Variants in XPO7 observed in about 807,000 individuals in gnomAD.
The protein encoded by XPO7 is exportin-7.
Under a neutral mutation model 144.3 loss-of-function variants are expected in XPO7, and 21 were observed. The observed-to-expected ratio is 0.15, with a 90% confidence interval of 0.10 to 0.21. The LOEUF (loss-of-function observed/expected upper bound fraction) is 0.21. Among genes scored for constraint, XPO7 ranks in the 10% least tolerant of loss-of-function variants. The pLI is 1.00. For missense variants in XPO7, 808 were observed against 1,325.8 expected, an observed-to-expected ratio of 0.61 and a Z score of 6.06; for synonymous variants, 580 against 499.6, an observed-to-expected ratio of 1.16 and a Z score of -2.15.
At chr8:21,959,644 A>AC (rs1436947545) in intron 1 of XPO7, among the ~76,000 whole-genome samples, 1 of 145,708 alleles carries the variant, frequency 6.9e-6, no homozygotes, top group Non-Finnish European at 1.5e-5. Context: ...TTCTCACTTT[A>AC]AAAAAAAAAT....
At chr8:21,972,006 G>C in intron 5 of XPO7, 65 bp downstream of exon 5, 1 of 1,490,438 alleles carries the variant, frequency 6.7e-7, no homozygotes, top group East Asian at 2.3e-5. Context: ...GGTGTTTTCT[G>C]CTGTGTGTGG....
chr8:21,960,357 C>T (rs986340902), intron 1 of XPO7, among the ~76,000 whole-genome samples: 2 of 152,164 alleles, frequency 1.3e-5, no homozygotes, highest in Admixed American at 1.3e-4. Flanking sequence ...TCCTCTGCAC[C>T]GTTAGAGACT....
chr8:21,932,949 T>C (rs1210832193), intron 1 of XPO7, among the ~76,000 whole-genome samples: 1 of 152,172 alleles, frequency 6.6e-6, no homozygotes, highest in Non-Finnish European at 1.5e-5. Context: ...CATTGACCTT[T>C]GTTAGAGAAT....
chr8:21,921,618 C>G (rs1192490097), intron 1 of XPO7: 1 of 152,140 alleles, frequency 6.6e-6, no homozygotes, highest in Non-Finnish European at 1.5e-5. Context: ...ATTTGTCGCT[C>G]CAACGAAGGT....
intron 1 of XPO7, among the ~76,000 whole-genome samples, chr8:21,959,663 C>T (rs1811657553): frequency 6.6e-6 from 1 of 152,116 alleles, no homozygotes; most frequent in Non-Finnish European, 1.5e-5. Flanking sequence ...ATGTCCTAAT[C>T]ATCGTTTTCA....
In XPO7 at chr8:21,987,245, A is replaced by C. The variant is rs1437476496; in HGVS notation, c.1682A>C (p.Tyr561Ser). Reference protein sequence around the residue: ...LSFFEQFRKIYIGDQVQKSSK... With the variant: ...LSFFEQFRKISIGDQVQKSSK... ...TTTTTTGAACAGTTTCGTAAGATCT[A>C]CATTGGGGACCAAGTGCAGAAATCC... The change falls in exon 14 of 28, where the codon TAC becomes TCC. Residue 561 changes from tyrosine (Y) to serine (S), a missense_variant. Physicochemically the swap from Tyr to Ser is moderately radical, Grantham distance 144. Coordinates refer to ENST00000252512, the MANE Select transcript of XPO7 (RefSeq NM_015024.5). 1.2e-6 allele frequency: 2 copies of C among 1,614,030 alleles called. No individual in the cohort carries two copies. The highest frequency in any genetic ancestry group is 1.7e-6 in the Non-Finnish European group (2 of 1,179,892).
chr8:21,952,729 T>C (rs923772323), intron 1 of XPO7, among the ~76,000 whole-genome samples: 6 of 152,326 alleles, frequency 3.9e-5, no homozygotes, highest in South Asian at 2.1e-4. Context: ...GTCAGTGTTA[T>C]AACGCCTGTG....
chr8:21,969,593 C>G lies in XPO7; in HGVS notation c.259+17C>G. ...TAGATATTCGTAAGTGGAGAATTTTCTGTTCTGTCTTGAAGAAAATAGTTT... is the reference window on the plus strand; with the variant it reads ...TAGATATTCGTAAGTGGAGAATTTTGTGTTCTGTCTTGAAGAAAATAGTTT... On this transcript the variant is annotated intron_variant, in intron 3 of 27. Transcript: ENST00000252512. The G allele has an allele frequency of 6.2e-7, 1 of 1,602,928 alleles. No homozygotes were observed. Among genetic ancestry groups the G allele is most frequent in the Non-Finnish European group, 8.5e-7 (1 of 1,170,900 alleles).
At chr8:21,996,150 A>C (rs930254589) in intron 21 of XPO7, among the ~76,000 whole-genome samples, 4 of 152,064 alleles carry the variant, frequency 2.6e-5, no homozygotes, top group African/African-American at 9.7e-5. Flanking sequence ...CCAGTGGGGC[A>C]TGGTGGCTCA....
At chr8:21,949,190 C>T (rs1027141853) in intron 1 of XPO7, among the ~76,000 whole-genome samples, 2 of 152,228 alleles carry the variant, frequency 1.3e-5, no homozygotes, top group African/African-American at 2.4e-5. Context: ...CAGAAATTAA[C>T]ATTATACATA....
chr8:21,984,240 C>G (rs117418513), intron 11 of XPO7, among the ~76,000 whole-genome samples: 1 of 152,168 alleles, frequency 6.6e-6, no homozygotes, highest in East Asian at 1.9e-4. Flanking sequence ...TTGAACAGTT[C>G]TGAATTCCAA....
intron 18 of XPO7, 89 bp downstream of exon 18, chr8:21,991,008 C>A: frequency 8.3e-7 from 1 of 1,211,076 alleles, no homozygotes; most frequent in Non-Finnish European, 1.2e-6. Flanking sequence ...GTTGGGGAGG[C>A]CTTTTCTGTT....
intron 9 of XPO7, among the ~76,000 whole-genome samples, chr8:21,980,467 C>G (rs1034715130): frequency 1.3e-5 from 2 of 152,160 alleles, no homozygotes; most frequent in Admixed American, 1.3e-4. Context: ...ATTTTTCCCC[C>G]CAAGAAGTTA....
At position 21,994,378 on chromosome 8, in the gene XPO7, C is replaced by G; in HGVS notation, c.2164C>G (p.Leu722Val). 1.2e-6 allele frequency: 2 copies of G among 1,612,150 alleles called. No homozygotes were observed. Among genetic ancestry groups the G allele is most frequent in the South Asian group, 1.1e-5 (1 of 90,982 alleles). ...EQEAKRTLVG[L>V]VRDLRGIAFA... ...TCTACTACAGCGAACTCTAGTTGGCCTAGTAAGAGACCTGAGAGGGATCGC... is the reference window on the plus strand; with the variant it reads ...TCTACTACAGCGAACTCTAGTTGGCGTAGTAAGAGACCTGAGAGGGATCGC... Residue 722 changes from leucine to valine, a missense_variant, in exon 20 of 28, where the codon CTA becomes GTA. Physicochemically the swap from Leu to Val is conservative, Grantham distance 32. Transcript: ENST00000252512.
intron 19 of XPO7, among the ~76,000 whole-genome samples, chr8:21,993,108 A>G (rs1055911984): frequency 1.2e-4 from 18 of 152,196 alleles, no homozygotes; most frequent in Non-Finnish European, 1.8e-4. Flanking sequence ...TGAGATAGGT[A>G]CCATTCAAAG....
At chr8:21,929,006 A>G (rs1436399489) in intron 1 of XPO7, among the ~76,000 whole-genome samples, 6 of 152,152 alleles carry the variant, frequency 3.9e-5, no homozygotes, top group African/African-American at 9.7e-5. Flanking sequence ...TGTCCCTTCA[A>G]ATCTATTGCC....
intron 1 of XPO7, among the ~76,000 whole-genome samples, chr8:21,953,053 G>A (rs943629362): frequency 8.4e-5 from 10 of 118,792 alleles, no homozygotes; most frequent in African/African-American, 1.6e-4. Flanking sequence ...GCCCATTAAC[G>A]TCTTGCATTG....
intron 1 of XPO7, among the ~76,000 whole-genome samples, chr8:21,956,841 T>C (rs1039884994): frequency 6.6e-6 from 1 of 152,170 alleles, no homozygotes; most frequent in Non-Finnish European, 1.5e-5. Flanking sequence ...TCTCCCTATA[T>C]AGTTTTTACT....
intron 9 of XPO7, 46 bp from the exon 10 acceptor site, chr8:21,981,685 G>C: frequency 6.2e-7 from 1 of 1,609,310 alleles, no homozygotes; most frequent in Non-Finnish European, 8.5e-7. Flanking sequence ...CTTGAAGTAT[G>C]TTAAGGCACA....
Sources: allele counts gnomAD v4.1 joint callset (sites outside exome capture counted in the v4.1 genomes callset), GRCh38; gene constraint gnomAD v4.1.1; transcripts MANE v1.5; gene names NCBI Gene and HGNC (gene_info 2026-07-23, HGNC 2026-07-21).